Variants in ZNF592 observed in about 807,000 individuals in gnomAD.
The protein encoded by ZNF592 is spinocerebellar ataxia, autosomal recessive 5.
ZNF592 carries 11 observed loss-of-function variants against 80.3 expected under a neutral mutation model. That is an observed-to-expected ratio of 0.14 (90% confidence interval 0.09 to 0.23). The LOEUF is 0.23. Ranked by LOEUF, ZNF592 falls within the 10% of genes least tolerant of loss-of-function variation. The pLI is 1.00. For missense variants in ZNF592, 1,420 were observed against 1,633.9 expected (o/e 0.87, Z 2.26); for synonymous variants, 646 against 640.3 (o/e 1.01, Z -0.13).
intron 4 of ZNF592, among the ~76,000 whole-genome samples, chr15:84,785,741 CAT>C (rs1004813160): frequency 6.6e-6 from 1 of 152,108 alleles, no homozygotes; most frequent in African/African-American, 2.4e-5. Flanking sequence ...AGTGGACAGA[CAT>C]GTGGGGCCTG....
chr15:84,752,330 A>C (rs1899037468), intron 1 of ZNF592, among the ~76,000 whole-genome samples: 2 of 152,174 alleles, frequency 1.3e-5, no homozygotes, highest in South Asian at 4.1e-4. Flanking sequence ...AGTGGAGCTC[A>C]GATATTTTAA....
intron 1 of ZNF592, among the ~76,000 whole-genome samples, chr15:84,759,497 G>A (rs1899278833): frequency 1.3e-5 from 2 of 152,086 alleles, no homozygotes; most frequent in East Asian, 1.9e-4. Flanking sequence ...TATCCACAAA[G>A]TATGAACCCC....
intron 5 of ZNF592, among the ~76,000 whole-genome samples, chr15:84,796,868 G>T (rs1567076715): frequency 6.6e-6 from 1 of 152,264 alleles, no homozygotes; most frequent in Non-Finnish European, 1.5e-5. Flanking sequence ...TGGCTACCGG[G>T]TGCTTGAAAT....
chr15:84,795,241 G>A (rs145438513), intron 5 of ZNF592, among the ~76,000 whole-genome samples: 3,219 of 152,172 alleles, frequency 0.021, 50 homozygotes, highest in Non-Finnish European at 0.033. Context: ...TTTCTTATTT[G>A]TGATTATTAA....
At chr15:84,775,308 C>G (rs1962211714) in intron 2 of ZNF592, among the ~76,000 whole-genome samples, 1 of 152,046 alleles carries the variant, frequency 6.6e-6, no homozygotes, top group African/African-American at 2.4e-5. Flanking sequence ...GTTGGCCAGG[C>G]TAGTGTCGAA....
chr15:84,798,342 G>T lies in ZNF592; in HGVS notation c.2604G>T (p.Met868Ile), dbSNP rs1962983137. Residue 868 changes from methionine to isoleucine, a missense_variant, in exon 7 of 11, where the codon ATG becomes ATT. Physicochemically the swap from Met to Ile is conservative, Grantham distance 10. This residue lies in a region of ZNF592 where 331 missense variants were observed against 347.0 expected (regional missense o/e 0.95). Transcript: ENST00000560079. The surrounding 1 kb of genome is among the most constrained non-coding windows in gnomAD (Gnocchi z 4.5). ...SQLIYKCSCE[M>I]VFNKKRHIQQ... ...TCATTTATAAGTGCTCCTGTGAAAT[G>T]GTCTTCAACAAGAAGAGGCACATTC... 1.9e-6 allele frequency: 3 copies of T among 1,614,106 alleles called. No homozygotes were observed. In the Admixed American group the frequency reaches 5.0e-5, roughly 27 times the overall value.
intron 5 of ZNF592, among the ~76,000 whole-genome samples, chr15:84,796,014 G>A (rs1449513574): frequency 1.1e-4 from 17 of 151,616 alleles, no homozygotes; most frequent in Admixed American, 1.1e-3. Context: ...CTGAGGTCAG[G>A]CGTTCAAGAC....
At position 84,802,075 on chromosome 15, in the gene ZNF592, C is replaced by T. The variant is rs1963110655; in HGVS notation, c.3486C>T (p.Tyr1162=). Residue 1162 remains tyrosine (Y), a synonymous_variant, in exon 11 of 11, where the codon TAC becomes TAT. Coordinates refer to ENST00000560079, the MANE Select transcript of ZNF592 (RefSeq NM_014630.3). ...TAQCLLCGLC[Y]TSASSLSRHL... ...AATGTCTCCTCTGTGGTTTGTGCTACACCTCTGCCAGCTCCCTCAGCCGCC... is the reference window on the plus strand; with the variant it reads ...AATGTCTCCTCTGTGGTTTGTGCTATACCTCTGCCAGCTCCCTCAGCCGCC... 6.2e-7 allele frequency: 1 copy of T among 1,613,600 alleles called. No homozygotes were observed. Among genetic ancestry groups the T allele is most frequent in the Admixed American group, 1.7e-5 (1 of 59,986 alleles).
At chr15:84,769,652 C>T (rs149437425) in intron 2 of ZNF592, among the ~76,000 whole-genome samples, 77 of 151,968 alleles carry the variant, frequency 5.1e-4, no homozygotes, top group African/African-American at 1.8e-3. Flanking sequence ...GAGATCATCC[C>T]GGCTGTGGAG....
chr15:84,776,225 C>T (rs1202317176), intron 2 of ZNF592, among the ~76,000 whole-genome samples: 3 of 152,246 alleles, frequency 2.0e-5, no homozygotes, highest in African/African-American at 4.8e-5. Context: ...GGTTCCTGGG[C>T]TGGTGTTCAT....
intron 4 of ZNF592, among the ~76,000 whole-genome samples, chr15:84,789,945 T>C (rs781086008): frequency 6.6e-6 from 1 of 152,226 alleles, no homozygotes; most frequent in Non-Finnish European, 1.5e-5. Context: ...GCTCTGCCCA[T>C]CAGAGCGTAA....
chr15:84,754,597 G>A (rs1899110178), intron 1 of ZNF592: 1 of 151,598 alleles, frequency 6.6e-6, no homozygotes, highest in Admixed American at 6.6e-5. Flanking sequence ...GCCCGGCATG[G>A]TGGTTTACAC....
intron 5 of ZNF592, among the ~76,000 whole-genome samples, chr15:84,794,298 A>G (rs900113023): frequency 2.6e-5 from 4 of 152,108 alleles, no homozygotes; most frequent in Non-Finnish European, 4.4e-5. Context: ...CTGTCAGACT[A>G]TTTTCCAAAG....
intron 3 of ZNF592, among the ~76,000 whole-genome samples, chr15:84,779,610 C>G (rs549917900): frequency 6.6e-6 from 1 of 152,224 alleles, no homozygotes; most frequent in East Asian, 1.9e-4. Context: ...CCTTGGCCTC[C>G]CAAAGTGCTA....
Position 84,790,865 on chromosome 15 carries a change from C to T in ZNF592, c.2381C>T (p.Ala794Val). 1 of 1,614,230 alleles carries T rather than the reference C, an allele frequency of 6.2e-7. No individual in the cohort carries two copies. The change falls in exon 5 of 11, where the codon GCC (alanine) becomes GTC (valine). Residue 794 changes from alanine (A) to valine (V), a missense_variant. Around this residue, in one of 7 missense-constraint regions of ZNF592, gnomAD observed 524 missense variants for 628.3 expected, o/e 0.83. Transcript: ENST00000560079. ...THVKENCLHYARKVGYRCIHC... is the reference protein window; with the variant it reads ...THVKENCLHYVRKVGYRCIHC... Reference sequence around the variant, plus strand: ...GTAAAGGAGAATTGCCTGCACTATGCCCGCAAGGTGGGCTACAGGTGGGTG... The same window carrying T: ...GTAAAGGAGAATTGCCTGCACTATGTCCGCAAGGTGGGCTACAGGTGGGTG...
At chr15:84,763,789 C>T (rs1596109393) in intron 1 of ZNF592, among the ~76,000 whole-genome samples, 2 of 152,080 alleles carry the variant, frequency 1.3e-5, no homozygotes, top group Admixed American at 6.6e-5. Context: ...ATGGGCAGAA[C>T]GAGAAATTCA....
Position 84,798,538 on chromosome 15 carries a change from CTG to C in ZNF592, c.2737-47_2737-46del. 3 of 1,613,956 alleles carry C rather than the reference CTG, an allele frequency of 1.9e-6. No homozygotes were observed. Among genetic ancestry groups the C allele is most frequent in the South Asian group, 1.1e-5 (1 of 91,060 alleles). ...CATGCCTCAGGCTGGGGGTCTGACT[CTG>C]TGCATCTTTCCCCTTGCCCAGTCAG... On this transcript the variant is annotated intron_variant, in intron 7 of 10. Coordinates refer to ENST00000560079, the MANE Select transcript of ZNF592 (RefSeq NM_014630.3). This position sits in a 1 kb window ranked among gnomAD's most constrained non-coding sequence, Gnocchi z 4.5.
At chr15:84,800,729 C>T (rs369933883) in intron 10 of ZNF592, among the ~76,000 whole-genome samples, 2 of 152,198 alleles carry the variant, frequency 1.3e-5, no homozygotes, top group African/African-American at 2.4e-5. Context: ...TCCTCCCTTC[C>T]CCCAAAATGC....
In ZNF592 at chr15:84,783,335, A is replaced by C; in HGVS notation, c.660A>C (p.Gln220His). The C allele has an allele frequency of 6.2e-7, 1 of 1,614,240 alleles. No individual in the cohort carries two copies. Among genetic ancestry groups the C allele is most frequent in the South Asian group, 1.1e-5 (1 of 91,092 alleles). Reference protein sequence around the residue: ...LPLGSQQEHEQSGQNTVEPHK... With the variant: ...LPLGSQQEHEHSGQNTVEPHK... Reference sequence around the variant, plus strand: ...TGGGGAGCCAGCAGGAACACGAGCAAAGTGGGCAGAACACAGTGGAACCTC... The same window carrying C: ...TGGGGAGCCAGCAGGAACACGAGCACAGTGGGCAGAACACAGTGGAACCTC... Residue 220 changes from glutamine (Q) to histidine (H), a missense_variant, in exon 4 of 11, where the codon CAA becomes CAC. By Grantham distance (24) the Gln-to-His change is conservative. This residue lies in a region of ZNF592 where 373 missense variants were observed against 355.5 expected (regional missense o/e 1.05). Coordinates refer to ENST00000560079, the MANE Select transcript of ZNF592 (RefSeq NM_014630.3). This position sits in a 1 kb window ranked among gnomAD's most constrained non-coding sequence, Gnocchi z 5.0.
Sources: gnomAD v4.1 joint callset for allele counts (sites outside exome capture counted in the v4.1 genomes callset) on GRCh38, gnomAD v4.1.1 for gene constraint, gnomAD v4.1.1 regional missense constraint, Gnocchi (gnomAD v3.1) non-coding constraint, MANE v1.5 for transcripts, NCBI Gene and HGNC (gene_info 2026-07-23, HGNC 2026-07-21) for gene names.